LRMDA: variants seen among roughly 807,000 people sequenced by gnomAD.
LRMDA encodes leucine rich melanocyte differentiation associated.
LRMDA carries 18 observed loss-of-function variants against 29.8 expected under a neutral mutation model. That is an observed-to-expected ratio of 0.60 (90% CI 0.42 to 0.90). The LOEUF is 0.90. Among genes scored for constraint, LRMDA ranks in the 40% least tolerant of loss-of-function variants. The pLI is 0.00. For missense variants in LRMDA, 273 were observed against 273.9 expected (o/e 1.00, Z 0.02); for synonymous variants, 125 against 109.4 (o/e 1.14, Z -0.89).
At chr10:76,047,362 T>C in intron 4 of LRMDA, 59 bp downstream of exon 4, 1 of 1,507,402 alleles carries the variant, frequency 6.6e-7, no homozygotes, top group South Asian at 1.3e-5. Context: ...CTTTAGGGGA[T>C]GATATTATAC....
intron 6 of LRMDA, among the ~76,000 whole-genome samples, chr10:76,483,984 C>G (rs1233971836): frequency 6.6e-6 from 1 of 151,906 alleles, no homozygotes; most frequent in Non-Finnish European, 1.5e-5. Context: ...ATAACTACAG[C>G]ATCTGTAGGG....
intron 2 of LRMDA, among the ~76,000 whole-genome samples, chr10:75,539,742 G>GT (rs577235064): frequency 8.3e-4 from 127 of 152,148 alleles, no homozygotes; most frequent in African/African-American, 2.8e-3. Flanking sequence ...ATAAATGGCT[G>GT]TTTTTTTGTT....
At chr10:76,080,449 C>G (rs1849031294) in intron 5 of LRMDA, among the ~76,000 whole-genome samples, 1 of 152,184 alleles carries the variant, frequency 6.6e-6, no homozygotes, top group African/African-American at 2.4e-5. Context: ...ACCTTCTTCC[C>G]CATGGCCAAT....
chr10:76,410,298 CTTTTTTTTTTTTT>C (rs1172213249), intron 6 of LRMDA, among the ~76,000 whole-genome samples: 2 of 66,564 alleles, frequency 3.0e-5, no homozygotes, highest in East Asian at 4.4e-4. Context: ...CACTTTCTTT[CTTTTTTTTTTTTT>C]TTTTTTTTTT....
At chr10:76,276,934 C>T (rs1462783607) in intron 5 of LRMDA, among the ~76,000 whole-genome samples, 1 of 152,138 alleles carries the variant, frequency 6.6e-6, no homozygotes, top group African/African-American at 2.4e-5. Flanking sequence ...AGTATGAAAC[C>T]TGGATGGTGG....
intron 3 of LRMDA, among the ~76,000 whole-genome samples, chr10:76,038,182 C>T (rs750242185): frequency 3.3e-5 from 5 of 152,164 alleles, no homozygotes; most frequent in South Asian, 2.1e-4. Flanking sequence ...TCATATTTAG[C>T]GGTGTGACCT....
chr10:75,839,557 T>C (rs913664452), intron 2 of LRMDA, among the ~76,000 whole-genome samples: 3 of 150,928 alleles, frequency 2.0e-5, no homozygotes, highest in Admixed American at 6.6e-5. Flanking sequence ...TTTTTTTTTT[T>C]CACTCATCTT....
intron 2 of LRMDA, among the ~76,000 whole-genome samples, chr10:75,833,223 A>G (rs1394205070): frequency 3.9e-5 from 6 of 152,230 alleles, no homozygotes; most frequent in Non-Finnish European, 7.3e-5. Flanking sequence ...TATTTCTGGC[A>G]TATCATGGAT....
intron 5 of LRMDA, among the ~76,000 whole-genome samples, chr10:76,130,722 C>T (rs1427917662): frequency 6.6e-6 from 1 of 152,092 alleles, no homozygotes; most frequent in Non-Finnish European, 1.5e-5. Flanking sequence ...TGCAAAGGTG[C>T]GATCTCAGCT....
chr10:75,472,753 CAA>C (rs1844741327), intron 2 of LRMDA, among the ~76,000 whole-genome samples: 1 of 152,196 alleles, frequency 6.6e-6, no homozygotes. Context: ...CAGGTATTGA[CAA>C]GAGATGGAGA....
intron 5 of LRMDA, among the ~76,000 whole-genome samples, chr10:76,147,627 C>T (rs1018653154): frequency 1.3e-5 from 2 of 151,736 alleles, no homozygotes; most frequent in African/African-American, 4.8e-5. Flanking sequence ...GCTATTGGTT[C>T]GAATTTCCTC....
chr10:76,472,635 G>T (rs1842629365), intron 6 of LRMDA, among the ~76,000 whole-genome samples: 1 of 151,508 alleles, frequency 6.6e-6, no homozygotes, highest in Admixed American at 6.6e-5. Context: ...CAACAAAAAT[G>T]CCAAGTAGTT....
chr10:76,121,146 C>T (rs542183466), intron 5 of LRMDA, among the ~76,000 whole-genome samples: 13 of 151,708 alleles, frequency 8.6e-5, no homozygotes, highest in African/African-American at 3.1e-4. Context: ...TGGGAGAGAC[C>T]TATCTAATAG....
intron 2 of LRMDA, among the ~76,000 whole-genome samples, chr10:75,645,887 C>A (rs1367190128): frequency 2.0e-5 from 3 of 152,064 alleles, no homozygotes; most frequent in Non-Finnish European, 4.4e-5. Flanking sequence ...CTGTGTCCTG[C>A]CTTTTCTATT....
intron 5 of LRMDA, among the ~76,000 whole-genome samples, chr10:76,170,608 T>G (rs902692434): frequency 6.6e-6 from 1 of 152,226 alleles, no homozygotes; most frequent in Non-Finnish European, 1.5e-5. Flanking sequence ...AATTCTGCCC[T>G]AAAACTCTTC....
In LRMDA at chr10:76,505,455, T is replaced by G. The variant is rs564344182; in HGVS notation, c.602-51754T>G. Reference sequence around the variant, plus strand: ...TATATTTCTCAGATGTTTTGTTCATTTTTTAAAAATTATTTTTTAAAAAAT... The same window carrying G: ...TATATTTCTCAGATGTTTTGTTCATGTTTTAAAAATTATTTTTTAAAAAAT... On this transcript the variant is annotated intron_variant, in intron 6 of 6. Coordinates refer to ENST00000611255, the MANE Select transcript of LRMDA (RefSeq NM_001305581.2). 2.0e-5 allele frequency among the ~76,000 whole-genome samples: 3 copies of G among 152,200 alleles called. No individual in the cohort carries two copies. The South Asian group carries it at 6.2e-4, about 32-fold the overall frequency.
chr10:76,193,284 T>C (rs1244457119), intron 5 of LRMDA, among the ~76,000 whole-genome samples: 1 of 152,220 alleles, frequency 6.6e-6, no homozygotes, highest in Non-Finnish European at 1.5e-5. Flanking sequence ...TTTGTTTCTG[T>C]ACTTAAAAAA....
At chr10:75,556,827 T>C (rs1840220507) in intron 2 of LRMDA, among the ~76,000 whole-genome samples, 1 of 151,328 alleles carries the variant, frequency 6.6e-6, no homozygotes, top group Non-Finnish European at 1.5e-5. Flanking sequence ...ATTAATAATG[T>C]ATATCGTAAT....
chr10:75,550,571 G>C (rs893985217), intron 2 of LRMDA, among the ~76,000 whole-genome samples: 2 of 151,940 alleles, frequency 1.3e-5, no homozygotes, highest in African/African-American at 4.8e-5. Context: ...ATTTCTTTTA[G>C]AGAGCATATA....
Sources: allele counts gnomAD v4.1 joint callset (sites outside exome capture counted in the v4.1 genomes callset), GRCh38; gene constraint gnomAD v4.1.1; transcripts MANE v1.5; gene names NCBI Gene and HGNC (gene_info 2026-07-23, HGNC 2026-07-21).